Variants in CDR2 observed in about 807,000 individuals in gnomAD.
CDR2 encodes the protein cerebellar degeneration-related protein 2.
In CDR2, 34 loss-of-function variants were observed where a neutral mutation model predicts 48.4. The observed-to-expected ratio is 0.70, with a 90% CI of 0.53 to 0.94. The LOEUF (loss-of-function observed/expected upper bound fraction) is 0.94, where lower values mean the gene tolerates loss of function less well. Ranked by LOEUF, CDR2 falls within the 40% of genes least tolerant of loss-of-function variation. The pLI, the probability that CDR2 is intolerant of heterozygous loss-of-function variation, is 0.00. For synonymous variants in CDR2, 240 were observed against 219.7 expected, an observed-to-expected ratio of 1.09 and a Z score of -0.82; for missense variants, 498 against 549.5, an observed-to-expected ratio of 0.91 and a Z score of 0.94.
In CDR2 at chr16:22,349,293, C is replaced by T. The variant is rs757964119; in HGVS notation, c.492G>A (p.Leu164=). Residue 164 remains leucine (L), a synonymous_variant, in exon 4 of 5, where the codon CTG becomes CTA. Coordinates refer to ENST00000268383, the MANE Select transcript of CDR2 (RefSeq NM_001802.2). ...PAPSFACLKE[L]YDLRQHFVYD... ...CAGGCTCTTACTGGCGGAGGTCATA[C>T]AGCTCCTTCAGACATGCAAAGCTGG... 8.1e-6 allele frequency: 13 copies of T among 1,614,060 alleles called. No individual in the cohort carries two copies. The highest frequency in any genetic ancestry group is 1.3e-5 in the African/African-American group (1 of 74,918).
chr16:22,351,216 T>C (rs2048939408), intron 2 of CDR2, among the ~76,000 whole-genome samples: 1 of 152,252 alleles, frequency 6.6e-6, no homozygotes, highest in Non-Finnish European at 1.5e-5. Flanking sequence ...GGCTGCATAG[T>C]ATTCCATGGT....
At position 22,374,398 on chromosome 16, in the gene CDR2, GCC is replaced by G; in HGVS notation, c.-91_-90del. On this transcript the variant is annotated 5_prime_UTR_variant, in exon 1 of 5. Transcript: ENST00000268383. ...CTCTTCCCCGGCCCCTCCGCCCTCA[GCC>G]AGAGCCGCCCTCGGGCGGGACGCGC... is the stretch of plus-strand genomic sequence containing the variant. 1.3e-6 allele frequency: 1 copy of G among 761,662 alleles called. No homozygotes were observed. The highest frequency in any genetic ancestry group is 2.0e-6 in the Non-Finnish European group (1 of 507,160). The allele number at this position is 761,662 out of a possible 1,614,324, so 47.2% of individuals were successfully genotyped here.
chr16:22,364,862 C>T (rs1043882940), intron 2 of CDR2, 40 bp downstream of exon 2: 16 of 1,145,710 alleles, frequency 1.4e-5, no homozygotes, highest in African/African-American at 9.1e-5. Flanking sequence ...AGCAACACAT[C>T]GAAGTGTCAA....
chr16:22,350,446 G>A (rs560708656), intron 2 of CDR2, among the ~76,000 whole-genome samples: 12 of 152,288 alleles, frequency 7.9e-5, no homozygotes, highest in Admixed American at 2.6e-4. Context: ...CAGAGGTTGT[G>A]GGGCTGGGAC....
At position 22,347,634 on chromosome 16, in the gene CDR2, T is replaced by C; in HGVS notation, c.696A>G (p.Glu232=). 6.2e-7 allele frequency: 1 copy of C among 1,614,130 alleles called. No individual in the cohort carries two copies. Among genetic ancestry groups the C allele is most frequent in the Non-Finnish European group, 8.5e-7 (1 of 1,180,026 alleles). ...EYGLVLKENS[E]LEQQLGATGA... ...CTGTGGCCCCCAGCTGCTGCTCCAG[T>C]TCACTGTTCTCCTTTAACACGAGCC... The change falls in exon 5 of 5, where the codon GAA becomes GAG. Residue 232 remains glutamate, a synonymous_variant. Coordinates refer to ENST00000268383, the MANE Select transcript of CDR2 (RefSeq NM_001802.2).
In CDR2 at chr16:22,347,333, T is replaced by G; in HGVS notation, c.997A>C (p.Arg333=). ...CTCTGTTTCACAGCCTTGGCCCTCC[T>G]GATGCAGGTCTCCTCGTGGCCCTTC... The part of the protein sequence containing the change: ...IVKGHEETCI[R]RAKAVKQRGI... The change falls in exon 5 of 5, where the codon AGG becomes CGG. Residue 333 remains arginine (R), a synonymous_variant. Transcript: ENST00000268383. 1 of 1,614,276 alleles carries G rather than the reference T, an allele frequency of 6.2e-7. No individual in the cohort carries two copies. Among genetic ancestry groups the G allele is most frequent in the Non-Finnish European group, 8.5e-7 (1 of 1,180,050 alleles).
chr16:22,362,197 G>A (rs80177724), intron 2 of CDR2, among the ~76,000 whole-genome samples: 2,772 of 152,146 alleles, frequency 0.018, 113 homozygotes, highest in East Asian at 0.13. Context: ...CACCGCACCC[G>A]GCTGAATTTT....
At position 22,349,724 on chromosome 16, in the gene CDR2, CT is replaced by C; in HGVS notation, c.317del (p.Lys106ArgfsTer8). 6.2e-7 allele frequency: 1 copy of C among 1,614,110 alleles called. No individual in the cohort carries two copies. The highest frequency in any genetic ancestry group is 1.1e-5 in the South Asian group (1 of 91,084). The stretch of plus-strand genomic sequence containing the variant: ...ACCTCAGAATCTTTTGCTGTGAGGC[CT>C]TGCTGTCAGCAACTAGCTTTTGATT... ...ETNQKLVADS[K>X]ASQQKILSLT... On this transcript the variant is annotated frameshift_variant, in exon 3 of 5. Transcript: ENST00000268383. LOFTEE classifies it high-confidence loss of function.
intron 1 of CDR2, 28 bp downstream of exon 1, chr16:22,374,203 C>CT (rs1343778563): frequency 1.2e-5 from 18 of 1,524,912 alleles, no homozygotes; most frequent in Non-Finnish European, 1.5e-5. Context: ...CAGGCCGCCG[C>CT]CCGCCCGCGG....
chr16:22,360,044 C>T (rs1326545534), intron 2 of CDR2, among the ~76,000 whole-genome samples: 3 of 152,186 alleles, frequency 2.0e-5, no homozygotes, highest in Non-Finnish European at 4.4e-5. Context: ...GAAGGGATGC[C>T]TTGAAGGCCA....
At chr16:22,366,717 A>G (rs2049046945) in intron 1 of CDR2, among the ~76,000 whole-genome samples, 1 of 152,130 alleles carries the variant, frequency 6.6e-6, no homozygotes, top group Non-Finnish European at 1.5e-5. Flanking sequence ...TAAAGAGGTC[A>G]AGAGTTTGGC....
intron 2 of CDR2, among the ~76,000 whole-genome samples, chr16:22,360,942 G>A (rs2049007150): frequency 6.6e-6 from 1 of 151,746 alleles, no homozygotes; most frequent in African/African-American, 2.4e-5. Context: ...TAGAGACAGG[G>A]TTTCGCCATG....
Position 22,374,316 on chromosome 16 carries a change from T to C in CDR2, c.-7A>G, listed in dbSNP as rs1249645864. 1 of 1,593,676 alleles carries C rather than the reference T, an allele frequency of 6.3e-7. No homozygotes were observed. Among genetic ancestry groups the C allele is most frequent in the South Asian group, 1.1e-5 (1 of 89,054 alleles). The stretch of plus-strand genomic sequence containing the variant: ...CCAGGTTTTCCGCCAGCATCTCGGC[T>C]GGGTCTTCTAGGGGCAGCGGCCCCC... On this transcript the variant is annotated 5_prime_UTR_variant, in exon 1 of 5. Transcript: ENST00000268383.
chr16:22,365,402 A>C (rs1014974466), intron 1 of CDR2, among the ~76,000 whole-genome samples: 1 of 152,318 alleles, frequency 6.6e-6, no homozygotes, highest in South Asian at 2.1e-4. Flanking sequence ...AAAAATCTTT[A>C]AAGTTCCCAT....
At chr16:22,356,709 C>A (rs545794417) in intron 2 of CDR2, among the ~76,000 whole-genome samples, 1 of 151,840 alleles carries the variant, frequency 6.6e-6, no homozygotes, top group African/African-American at 2.4e-5. Context: ...GCCGAGATCA[C>A]GCCACTGCAC....
At chr16:22,358,207 C>T (rs530493235) in intron 2 of CDR2, among the ~76,000 whole-genome samples, 11 of 152,248 alleles carry the variant, frequency 7.2e-5, no homozygotes, top group African/African-American at 2.6e-4. Context: ...AAGGTACAGA[C>T]ATGCTGCTGA....
chr16:22,349,314 G>A lies in CDR2; in HGVS notation c.471C>T (p.Ser157=), dbSNP rs1232056876. The part of the protein sequence containing the change: ...GKCDQEKPAP[S]FACLKELYDL... The stretch of plus-strand genomic sequence containing the variant: ...CATACAGCTCCTTCAGACATGCAAA[G>A]CTGGGTGCCGGTTTCTCCTGGTCAC... Residue 157 remains serine (S), a synonymous_variant, in exon 4 of 5, where the codon AGC becomes AGT. Coordinates refer to ENST00000268383, the MANE Select transcript of CDR2 (RefSeq NM_001802.2). The A allele has an allele frequency of 6.2e-7, 1 of 1,614,202 alleles. No individual in the cohort carries two copies. Among genetic ancestry groups the A allele is most frequent in the Non-Finnish European group, 8.5e-7 (1 of 1,180,046 alleles).
intron 1 of CDR2, among the ~76,000 whole-genome samples, chr16:22,368,153 A>C (rs767831180): frequency 3.9e-5 from 6 of 152,206 alleles, no homozygotes; most frequent in Admixed American, 3.9e-4. Flanking sequence ...CAAAACACAG[A>C]ACTTTTACAA....
intron 1 of CDR2, 65 bp downstream of exon 1, chr16:22,374,166 C>A (rs2049100460): frequency 9.3e-7 from 1 of 1,073,004 alleles, no homozygotes. Flanking sequence ...AACTTTTTAA[C>A]AGTTTCGCAG....
Sources: allele counts gnomAD v4.1 joint callset (sites outside exome capture counted in the v4.1 genomes callset), GRCh38; gene constraint gnomAD v4.1.1; transcripts MANE v1.5; gene names NCBI Gene and HGNC (gene_info 2026-07-23, HGNC 2026-07-21).